Variants in HSD17B2 observed in about 807,000 individuals in gnomAD.
HSD17B2 encodes 17-beta-hydroxysteroid dehydrogenase type 2.
A neutral mutation model predicts 26.9 loss-of-function variants in HSD17B2; 32 were observed. The ratio of observed to expected loss-of-function variants is 1.19; its 90% CI spans 0.90 to 1.60. The LOEUF (loss-of-function observed/expected upper bound fraction) is 1.60, where lower values mean the gene tolerates loss of function less well. HSD17B2 is among the 40% of genes most tolerant of loss of function. The pLI, the probability that HSD17B2 is intolerant of heterozygous loss-of-function variation, is 0.00. For synonymous variants in HSD17B2, 246 were observed against 186.7 expected, an observed-to-expected ratio of 1.32 and a Z score of -2.59; for missense variants, 613 against 468.6, an observed-to-expected ratio of 1.31 and a Z score of -2.85.
chr16:82,047,318 G>A (rs1913962853), intron 1 of HSD17B2, among the ~76,000 whole-genome samples: 1 of 152,202 alleles, frequency 6.6e-6, no homozygotes, highest in African/African-American at 2.4e-5. Context: ...GAAGTTTAGG[G>A]AAGAGCTAGA....
intron 1 of HSD17B2, among the ~76,000 whole-genome samples, chr16:82,043,319 T>C (rs1048194188): frequency 9.2e-5 from 14 of 152,014 alleles, no homozygotes; most frequent in African/African-American, 3.4e-4. Context: ...TTGTTTCAGG[T>C]CACTTGTGAT....
intron 1 of HSD17B2, 102 bp from the exon 2 acceptor site, chr16:82,068,068 G>C: frequency 6.6e-6 from 7 of 1,055,710 alleles, no homozygotes; most frequent in Non-Finnish European, 9.9e-6. Context: ...TCTCTTCAGA[G>C]AGCATGGAGA....
In HSD17B2 at chr16:82,098,271, C is replaced by T. The variant is rs763242529; in HGVS notation, c.999C>T (p.Ser333=). The change falls in exon 5 of 5, where the codon AGC becomes AGT. Residue 333 remains serine, a synonymous_variant. Transcript: ENST00000199936. The part of the protein sequence containing the change: ...RDIQHAILAK[S]PFAYYTPGKG... ...TCCAGCATGCTATCTTGGCGAAGAGCCCTTTTGCCTATTACACGCCAGGGA... is the reference window on the plus strand; with the variant it reads ...TCCAGCATGCTATCTTGGCGAAGAGTCCTTTTGCCTATTACACGCCAGGGA... The T allele has an allele frequency of 2.2e-5, 36 of 1,614,098 alleles. No homozygotes were observed. The highest frequency in any genetic ancestry group is 2.9e-5 in the Non-Finnish European group (34 of 1,180,036).
chr16:82,048,199 CAG>C (rs2143931217), intron 1 of HSD17B2, among the ~76,000 whole-genome samples: 1 of 152,182 alleles, frequency 6.6e-6, no homozygotes, highest in African/African-American at 2.4e-5. Context: ...CGAGTGTAGA[CAG>C]AGATTAGGAC....
chr16:82,036,590 G>T (rs1913632910), intron 1 of HSD17B2, among the ~76,000 whole-genome samples: 1 of 152,188 alleles, frequency 6.6e-6, no homozygotes, highest in Non-Finnish European at 1.5e-5. Flanking sequence ...GCATGGGGAT[G>T]TGGTTGGGAG....
At chr16:82,053,886 T>A (rs1048519417) in intron 1 of HSD17B2, among the ~76,000 whole-genome samples, 4 of 152,224 alleles carry the variant, frequency 2.6e-5, no homozygotes, top group African/African-American at 9.6e-5. Flanking sequence ...ATAGAATGCA[T>A]AACCATAGAT....
In HSD17B2 at chr16:82,075,665, T is replaced by C. The variant is rs141484501; in HGVS notation, c.664+4538T>C. 8.9e-4 allele frequency among the ~76,000 whole-genome samples: 136 copies of C among 152,086 alleles called. 1 individual carries two copies. Among genetic ancestry groups the C allele is most frequent in the African/African-American group, 3.3e-3 (135 of 41,520 alleles). On this transcript the variant is annotated intron_variant, in intron 3 of 4. Transcript: ENST00000199936. The stretch of plus-strand genomic sequence containing the variant: ...CAGAGAGCCTACCAAGATTGAACCA[T>C]GAAGGAATCCATAACCTGAATGGAT...
chr16:82,097,000 G>GTTT (rs1293893609), intron 4 of HSD17B2: 2 of 150,420 alleles, frequency 1.3e-5, no homozygotes, highest in African/African-American at 4.9e-5. Context: ...GTCCTGTTCT[G>GTTT]TTTTGTTTTT....
intron 1 of HSD17B2, among the ~76,000 whole-genome samples, chr16:82,042,399 T>A (rs1913791916): frequency 6.6e-6 from 1 of 152,202 alleles, no homozygotes; most frequent in South Asian, 2.1e-4. Flanking sequence ...GCACTTGGCC[T>A]CAGTGTCTAA....
intron 3 of HSD17B2, among the ~76,000 whole-genome samples, chr16:82,073,451 C>A (rs924513274): frequency 6.6e-6 from 1 of 152,028 alleles, no homozygotes; most frequent in African/African-American, 2.4e-5. Context: ...ATCTCGATCT[C>A]CCGACCTCGT....
chr16:82,093,590 A>G (rs1481299669), intron 4 of HSD17B2: 1 of 152,130 alleles, frequency 6.6e-6, no homozygotes, highest in Non-Finnish European at 1.5e-5. Context: ...GTGTGCTTGA[A>G]TTTTCCCATG....
chr16:82,097,406 G>A (rs1389796977), intron 4 of HSD17B2: 1 of 147,504 alleles, frequency 6.8e-6, no homozygotes, highest in Non-Finnish European at 1.5e-5. Context: ...TTTTAGAGAT[G>A]GGATCTCGCT....
chr16:82,043,008 T>C (rs148955610), intron 1 of HSD17B2, among the ~76,000 whole-genome samples: 2,251 of 152,364 alleles, frequency 0.015, 65 homozygotes, highest in African/African-American at 0.052. Flanking sequence ...CTCTGGTTCC[T>C]GCAGAGAGGA....
intron 1 of HSD17B2, among the ~76,000 whole-genome samples, chr16:82,043,415 T>TTTTCA (rs1913821946): frequency 2.4e-5 from 3 of 124,370 alleles, no homozygotes; most frequent in Admixed American, 1.4e-4. Context: ...CCGGGCGCGG[T>TTTTCA]GGCTCATGCC....
Position 82,098,419 on chromosome 16 carries a change from A to C in HSD17B2, c.1147A>C (p.Lys383Gln), listed in dbSNP as rs769663905. 45 of 1,603,350 alleles carry C rather than the reference A, an allele frequency of 2.8e-5. No homozygotes were observed. The highest frequency in any genetic ancestry group is 3.5e-5 in the Non-Finnish European group (41 of 1,174,034). Residue 383 changes from lysine to glutamine, a missense_variant, in exon 5 of 5, where the codon AAG becomes CAG. Physicochemically the swap from Lys to Gln is moderately conservative, Grantham distance 53. Coordinates refer to ENST00000199936, the MANE Select transcript of HSD17B2 (RefSeq NM_002153.3). Reference protein sequence around the residue: ...MPRALRMPNYKKKAT With the variant: ...MPRALRMPNYQKKAT ...CAGAGCTCTAAGAATGCCTAACTAC[A>C]AGAAAAAGGCCACCTAGGCAATGGA...
At chr16:82,070,848 A>T (rs1215329917) in intron 2 of HSD17B2, 94 bp from the exon 3 acceptor site, 1 of 1,215,682 alleles carries the variant, frequency 8.2e-7, no homozygotes, top group African/African-American at 1.5e-5. Flanking sequence ...CCTGGCTCAC[A>T]CGTAACACCT....
intron 3 of HSD17B2, among the ~76,000 whole-genome samples, chr16:82,079,340 C>A (rs1904325545): frequency 6.6e-6 from 1 of 152,122 alleles, no homozygotes; most frequent in Non-Finnish European, 1.5e-5. Context: ...AAGGTGTCGG[C>A]AGGGTTGGTT....
intron 1 of HSD17B2, among the ~76,000 whole-genome samples, chr16:82,067,370 T>C (rs748625169): frequency 6.6e-6 from 1 of 152,238 alleles, no homozygotes; most frequent in Non-Finnish European, 1.5e-5. Context: ...CATGTTATCT[T>C]CAACTTAGGA....
Position 82,090,670 on chromosome 16 carries a change from T to C in HSD17B2, c.665-232T>C, listed in dbSNP as rs8191220. On this transcript the variant is annotated intron_variant, in intron 3 of 4. Coordinates refer to ENST00000199936, the MANE Select transcript of HSD17B2 (RefSeq NM_002153.3). ...GACAAGATTGAGCCTTCAACTTGGT[T>C]TGTCATCATACCAGCTGCAATAGGG... Among the ~76,000 whole-genome samples, 989 of 152,200 alleles carry C rather than the reference T, an allele frequency of 6.5e-3. 12 individuals carry two copies. The highest frequency in any genetic ancestry group is 0.051 in the South Asian group (248 of 4,824).
Sources: gnomAD v4.1 joint callset for allele counts (sites outside exome capture counted in the v4.1 genomes callset) on GRCh38, gnomAD v4.1.1 for gene constraint, MANE v1.5 for transcripts, NCBI Gene and HGNC (gene_info 2026-07-23, HGNC 2026-07-21) for gene names.